Variants in SPOCK1 observed in about 807,000 individuals in gnomAD.
SPOCK1 encodes the protein testican-1.
Under a neutral mutation model 55.3 loss-of-function variants are expected in SPOCK1, and 23 were observed. The ratio of observed to expected loss-of-function variants is 0.42; its 90% CI spans 0.30 to 0.59. The LOEUF (loss-of-function observed/expected upper bound fraction) is 0.59. Ranked by LOEUF, SPOCK1 falls within the 20% of genes least tolerant of loss-of-function variation. SPOCK1 has a pLI of 0.22. For missense variants in SPOCK1, 499 were observed against 552.5 expected (o/e 0.90, Z 0.97); for synonymous variants, 226 against 221.0 (o/e 1.02, Z -0.20).
At chr5:137,239,948 G>A (rs980788423) in intron 3 of SPOCK1, among the ~76,000 whole-genome samples, 1 of 152,136 alleles carries the variant, frequency 6.6e-6, no homozygotes, top group African/African-American at 2.4e-5. Flanking sequence ...ACCCAACACA[G>A]CTCAGAAAGC....
intron 5 of SPOCK1, among the ~76,000 whole-genome samples, chr5:137,099,563 AAT>A (rs1580749955): frequency 1.6e-5 from 2 of 123,278 alleles, no homozygotes; most frequent in Non-Finnish European, 3.4e-5. Flanking sequence ...GATTTAAAAA[AAT>A]ATATATGTGT....
intron 2 of SPOCK1, among the ~76,000 whole-genome samples, chr5:137,273,849 A>C (rs1757014484): frequency 6.6e-6 from 1 of 152,242 alleles, no homozygotes; most frequent in African/African-American, 2.4e-5. Context: ...TTTGCCTTGC[A>C]GTTTCAAAAT....
chr5:137,358,078 G>A (rs962833595), intron 2 of SPOCK1, among the ~76,000 whole-genome samples: 1 of 152,048 alleles, frequency 6.6e-6, no homozygotes, highest in Non-Finnish European at 1.5e-5. Flanking sequence ...AATCCTGAAG[G>A]TTTTTCTATG....
intron 4 of SPOCK1, among the ~76,000 whole-genome samples, chr5:137,132,830 G>A (rs781571381): frequency 1.3e-5 from 2 of 152,116 alleles, no homozygotes; most frequent in South Asian, 2.1e-4. Flanking sequence ...TTCAGCAAGT[G>A]CAGCCTGGAG....
At chr5:137,465,410 T>A (rs1753598584) in intron 2 of SPOCK1, among the ~76,000 whole-genome samples, 1 of 152,148 alleles carries the variant, frequency 6.6e-6, no homozygotes, top group African/African-American at 2.4e-5. Flanking sequence ...CCATTCAAAT[T>A]CCTTCTCATA....
chr5:137,356,797 TAATATATATA>T (rs1473763968), intron 2 of SPOCK1, among the ~76,000 whole-genome samples: 19 of 24,368 alleles, frequency 7.8e-4, no homozygotes, highest in East Asian at 3.8e-3. Flanking sequence ...TCAAAAAAAA[TAATATATATA>T]TATATATATA....
At chr5:137,074,852 C>T (rs1752719969) in intron 5 of SPOCK1, among the ~76,000 whole-genome samples, 2 of 152,112 alleles carry the variant, frequency 1.3e-5, no homozygotes, top group South Asian at 4.1e-4. Context: ...CTACAGGCAC[C>T]CGCCACCACG....
chr5:137,461,358 A>G (rs1753485405), intron 2 of SPOCK1, among the ~76,000 whole-genome samples: 1 of 152,240 alleles, frequency 6.6e-6, no homozygotes, highest in African/African-American at 2.4e-5. Context: ...AGACACTGGC[A>G]GCTGGGTATT....
At chr5:137,374,493 C>T (rs1012089930) in intron 2 of SPOCK1, among the ~76,000 whole-genome samples, 3 of 152,198 alleles carry the variant, frequency 2.0e-5, no homozygotes, top group Non-Finnish European at 4.4e-5. Context: ...GGTTCCTGCA[C>T]TAGCAGGGAG....
intron 2 of SPOCK1, among the ~76,000 whole-genome samples, chr5:137,294,634 G>A (rs1390418989): frequency 6.6e-6 from 1 of 152,004 alleles, no homozygotes; most frequent in Non-Finnish European, 1.5e-5. Context: ...TCCTACCCAG[G>A]GTTCTATACA....
At chr5:137,023,699 C>A (rs961679137) in intron 6 of SPOCK1, among the ~76,000 whole-genome samples, 3 of 151,300 alleles carry the variant, frequency 2.0e-5, no homozygotes, top group Admixed American at 2.0e-4. Flanking sequence ...ATGTTCGATA[C>A]CCTAATTATC....
chr5:137,151,330 T>C (rs1184377503), intron 3 of SPOCK1, among the ~76,000 whole-genome samples: 3 of 152,150 alleles, frequency 2.0e-5, no homozygotes, highest in African/African-American at 7.2e-5. Context: ...TGATCTATTA[T>C]GGAATAGAAT....
At chr5:137,466,612 C>T (rs1453655582) in intron 2 of SPOCK1, among the ~76,000 whole-genome samples, 3 of 152,170 alleles carry the variant, frequency 2.0e-5, no homozygotes, top group African/African-American at 7.2e-5. Context: ...CTCTCTTTGC[C>T]TCATTTTTCT....
chr5:137,178,315 A>C (rs1754896515), intron 3 of SPOCK1, among the ~76,000 whole-genome samples: 1 of 152,254 alleles, frequency 6.6e-6, no homozygotes, highest in Admixed American at 6.5e-5. Context: ...TTGTGGAACA[A>C]GGGATAGAAT....
chr5:137,405,983 G>A (rs576921980), intron 2 of SPOCK1, among the ~76,000 whole-genome samples: 49 of 152,330 alleles, frequency 3.2e-4, no homozygotes, highest in African/African-American at 1.1e-3. Flanking sequence ...TGGCTGGAAG[G>A]CAGCCTGGCT....
chr5:137,352,767 T>C lies in SPOCK1; in HGVS notation c.187-85712A>G, dbSNP rs568018399. 1.1e-4 allele frequency among the ~76,000 whole-genome samples: 17 copies of C among 152,302 alleles called. No individual in the cohort carries two copies. The South Asian group carries it at 3.3e-3, about 30-fold the overall frequency. On this transcript the variant is annotated intron_variant, in intron 2 of 10. Transcript: ENST00000394945. ...CATGCAGTCATAGACCTTGATAAGC[T>C]ATAGCTAAGGAGAATTTGTCATCTC... is the stretch of plus-strand genomic sequence containing the variant.
intron 3 of SPOCK1, among the ~76,000 whole-genome samples, chr5:137,243,341 T>C (rs1580825570): frequency 6.6e-6 from 1 of 152,212 alleles, no homozygotes; most frequent in South Asian, 2.1e-4. Context: ...GGCAGGCTAG[T>C]ATTTTATATT....
intron 3 of SPOCK1, among the ~76,000 whole-genome samples, chr5:137,177,783 C>G (rs1010274144): frequency 2.7e-5 from 4 of 145,846 alleles, no homozygotes; most frequent in African/African-American, 7.7e-5. Flanking sequence ...GTGATCCAGT[C>G]GAGAGAAATG....
chr5:137,439,969 T>C (rs1307808269), intron 2 of SPOCK1, among the ~76,000 whole-genome samples: 1 of 151,942 alleles, frequency 6.6e-6, no homozygotes, highest in African/African-American at 2.4e-5. Context: ...CTCTTACAGA[T>C]GAACAACAAC....
Sources: allele counts gnomAD v4.1 joint callset (sites outside exome capture counted in the v4.1 genomes callset), GRCh38; gene constraint gnomAD v4.1.1; transcripts MANE v1.5; gene names NCBI Gene and HGNC (gene_info 2026-07-23, HGNC 2026-07-21).